Variants in TAB2 observed in about 807,000 individuals in gnomAD.
TAB2 encodes TGF-beta-activated kinase 1 and MAP3K7-binding protein 2.
Under a neutral mutation model 65.0 loss-of-function variants are expected in TAB2, and 3 were observed. That is an observed-to-expected ratio of 0.05 (90% CI 0.02 to 0.12). TAB2 has a LOEUF of 0.12. Among genes scored for constraint, TAB2 ranks in the 10% least tolerant of loss-of-function variants. TAB2 has a pLI of 1.00. For missense variants in TAB2, 623 were observed against 840.3 expected, an observed-to-expected ratio of 0.74 and a Z score of 3.20; for synonymous variants, 298 against 285.1, an observed-to-expected ratio of 1.05 and a Z score of -0.46.
At chr6:149,407,779 A>G (rs1218553645) in intron 6 of TAB2, among the ~76,000 whole-genome samples, 1 of 151,802 alleles carries the variant, frequency 6.6e-6, no homozygotes, top group African/African-American at 2.4e-5. Context: ...CTCTAATTAA[A>G]AAAAAAAAAA....
At chr6:149,407,675 A>G (rs1782711355) in intron 6 of TAB2, among the ~76,000 whole-genome samples, 1 of 152,008 alleles carries the variant, frequency 6.6e-6, no homozygotes, top group Non-Finnish European at 1.5e-5. Context: ...TAATGTAGAG[A>G]TTTTTTTAAC....
At chr6:149,357,430 A>AAAAAAAC in intron 1 of TAB2, among the ~76,000 whole-genome samples, 65 of 111,176 alleles carry the variant, frequency 5.8e-4, no homozygotes, top group East Asian at 1.9e-3. Context: ...AGAAAAAAAA[A>AAAAAAAC]ACACACACAC....
At chr6:149,291,234 T>C (rs1339018836) in intron 1 of TAB2, 1 of 152,256 alleles carries the variant, frequency 6.6e-6, no homozygotes, top group African/African-American at 2.4e-5. Flanking sequence ...AATCCAAGAT[T>C]GCTGAATTTC....
chr6:149,306,283 G>A (rs1008702010), intron 1 of TAB2, among the ~76,000 whole-genome samples: 10 of 152,162 alleles, frequency 6.6e-5, no homozygotes, highest in African/African-American at 2.4e-4. Context: ...GCTCACGCCT[G>A]TAATCCCAGC....
chr6:149,408,917 GA>G (rs1276286900), intron 6 of TAB2, among the ~76,000 whole-genome samples: 1 of 152,102 alleles, frequency 6.6e-6, no homozygotes, highest in East Asian at 1.9e-4. Flanking sequence ...AAGTATTCAG[GA>G]ATTAGTAGCA....
At chr6:149,292,778 G>A (rs1778800738) in intron 1 of TAB2, among the ~76,000 whole-genome samples, 1 of 152,152 alleles carries the variant, frequency 6.6e-6, no homozygotes, top group Non-Finnish European at 1.5e-5. Flanking sequence ...AAGCAACAAT[G>A]AGCTTTCTCG....
intron 1 of TAB2, among the ~76,000 whole-genome samples, chr6:149,229,374 C>G (rs1326048775): frequency 6.6e-6 from 1 of 150,902 alleles, no homozygotes; most frequent in Non-Finnish European, 1.5e-5. Flanking sequence ...GCAGATGGCA[C>G]CCAGCAAACC....
chr6:149,377,085 T>C (rs1040854792), intron 2 of TAB2, among the ~76,000 whole-genome samples: 11 of 150,818 alleles, frequency 7.3e-5, no homozygotes, highest in African/African-American at 2.7e-4. Flanking sequence ...TTTTTTTTTT[T>C]TTGAGACAGA....
intron 3 of TAB2, among the ~76,000 whole-genome samples, chr6:149,382,364 G>C (rs1037379397): frequency 6.6e-6 from 1 of 152,294 alleles, no homozygotes; most frequent in Admixed American, 6.5e-5. Context: ...TTGGGAGGCC[G>C]AGGTGGGTGG....
chr6:149,398,127 C>G (rs1782238375), intron 5 of TAB2, 65 bp downstream of exon 5: 11 of 1,312,168 alleles, frequency 8.4e-6, no homozygotes, highest in Non-Finnish European at 3.3e-6. Context: ...TTTTCTGTGG[C>G]TAAAAACAGA....
upstream of TAB2, among the ~76,000 whole-genome samples, chr6:149,314,548 A>G (rs497886): frequency 0.033 from 4,984 of 152,254 alleles, 116 homozygotes; most frequent in South Asian, 0.078. Flanking sequence ...TCTTCTTATA[A>G]CTTTCCCTGA....
intron 1 of TAB2, among the ~76,000 whole-genome samples, chr6:149,236,513 A>G (rs1468188756): frequency 2.6e-5 from 4 of 152,180 alleles, no homozygotes; most frequent in African/African-American, 7.2e-5. Flanking sequence ...ACAACACCAC[A>G]TCTGAGGTTT....
intron 1 of TAB2, among the ~76,000 whole-genome samples, chr6:149,354,615 A>C (rs1281515261): frequency 6.6e-6 from 1 of 152,192 alleles, no homozygotes; most frequent in Non-Finnish European, 1.5e-5. Context: ...TGCGTTCCCT[A>C]GAGGCAGCCA....
chr6:149,262,879 C>T (rs1482798038), intron 1 of TAB2, among the ~76,000 whole-genome samples: 3 of 152,018 alleles, frequency 2.0e-5, no homozygotes, highest in Non-Finnish European at 4.4e-5. Context: ...TTGTAGCTTA[C>T]TGTGACCTCA....
chr6:149,370,155 AT>A lies in TAB2; in HGVS notation c.102+58del, dbSNP rs35974009. 180,521 of 1,441,954 alleles carry A rather than the reference AT, an allele frequency of 0.13. 16,450 individuals are homozygous for A. The highest frequency in any genetic ancestry group is 0.49 in the East Asian group (21,590 of 43,878). 89.3% of individuals were successfully genotyped at this position (1,441,954 alleles called of 1,614,324 possible). Reference sequence around the variant, plus strand: ...ATACAAACCTGGTATTTTTTTAAACATTGGAAGAAAAACTCTTTTAGGTTAT... The same window carrying A: ...ATACAAACCTGGTATTTTTTTAAACATGGAAGAAAAACTCTTTTAGGTTAT... On this transcript the variant is annotated intron_variant, in intron 2 of 6. Transcript: ENST00000637181.
chr6:149,257,957 G>A (rs1030398036), intron 1 of TAB2, among the ~76,000 whole-genome samples: 4 of 152,180 alleles, frequency 2.6e-5, no homozygotes, highest in African/African-American at 7.2e-5. Flanking sequence ...GGGGAGTGAC[G>A]AAGAAGCAAG....
chr6:149,344,840 A>G (rs758265966), intron 1 of TAB2, among the ~76,000 whole-genome samples: 18 of 152,182 alleles, frequency 1.2e-4, no homozygotes, highest in Non-Finnish European at 2.9e-5. Flanking sequence ...AATCCTCACT[A>G]CTGGAATATT....
intron 1 of TAB2, among the ~76,000 whole-genome samples, chr6:149,288,393 G>A (rs1187446188): frequency 6.6e-6 from 1 of 152,204 alleles, no homozygotes; most frequent in Admixed American, 6.5e-5. Context: ...GCAGCAAGCA[G>A]ACATTGCTCC....
intron 1 of TAB2, among the ~76,000 whole-genome samples, chr6:149,281,462 T>A (rs1041925829): frequency 4.8e-5 from 7 of 146,846 alleles, no homozygotes; most frequent in African/African-American, 1.8e-4. Flanking sequence ...CAGTTGTGCA[T>A]GCCTGTAATC....
Sources: allele counts gnomAD v4.1 joint callset (sites outside exome capture counted in the v4.1 genomes callset), GRCh38; gene constraint gnomAD v4.1.1; transcripts MANE v1.5; gene names NCBI Gene and HGNC (gene_info 2026-07-23, HGNC 2026-07-21).